Variants in ABCA2 observed in about 807,000 individuals in gnomAD.
ABCA2 encodes the protein ATP-binding cassette sub-family A member 2.
A neutral mutation model predicts 262.8 loss-of-function variants in ABCA2; 84 were observed. The ratio of observed to expected loss-of-function variants is 0.32; its 90% CI spans 0.27 to 0.38. The LOEUF (loss-of-function observed/expected upper bound fraction) is 0.38, where lower values mean the gene tolerates loss of function less well. ABCA2 is among the 10% of genes least tolerant of loss of function. The probability of loss-of-function intolerance (pLI) is 1.00; values close to 1 mark genes in which losing one functional copy is unlikely to be tolerated. For missense variants in ABCA2, 2,662 were observed against 3,405.9 expected, an observed-to-expected ratio of 0.78 and a Z score of 5.44; for synonymous variants, 1,696 against 1,502.9, an observed-to-expected ratio of 1.13 and a Z score of -2.97.
In ABCA2 at chr9:137,013,239, C is replaced by G; in HGVS notation, c.4630G>C (p.Val1544Leu). ...GAGCCGTTGGCGGGAGACTTGAGCA[C>G]GCAGGTGGCACCCACCCCCGACGGC... ...RLPSGVGATC[V>L]LKSPANGSLG... is the part of the protein sequence containing the mutation. The change falls in exon 30 of 49, where the codon GTG becomes CTG. Residue 1544 changes from valine (V) to leucine (L), a missense_variant. Coordinates refer to ENST00000341511, the MANE Select transcript of ABCA2 (RefSeq NM_001606.5). 1 of 1,600,104 alleles carries G rather than the reference C, an allele frequency of 6.2e-7. No homozygotes were observed. Among genetic ancestry groups the G allele is most frequent in the Non-Finnish European group, 8.5e-7 (1 of 1,177,022 alleles).
intron 45 of ABCA2, 35 bp downstream of exon 45, chr9:137,009,332 GCCC>G: frequency 4.2e-4 from 413 of 980,274 alleles, no homozygotes; most frequent in Non-Finnish European, 5.8e-4. Context: ...CCCCCCCCGG[GCCC>G]GCCCCAGCCC....
intron 10 of ABCA2, 81 bp downstream of exon 10, chr9:137,020,255 C>G: frequency 6.3e-7 from 1 of 1,584,140 alleles, no homozygotes; most frequent in South Asian, 1.1e-5. Flanking sequence ...TCTGCCGACA[C>G]CCTCTGCCCA....
intron 5 of ABCA2, 99 bp downstream of exon 5, chr9:137,022,603 G>C (rs1334973410): frequency 1.2e-5 from 19 of 1,557,782 alleles, no homozygotes; most frequent in Non-Finnish European, 1.6e-5. Flanking sequence ...TGGGAACTCA[G>C]TGCAGGTGGA....
In ABCA2 at chr9:137,015,419, G is replaced by T; in HGVS notation, c.3692C>A (p.Pro1231His). The change falls in exon 24 of 49, where the codon CCC becomes CAC. Residue 1231 changes from proline to histidine, a missense_variant. Transcript: ENST00000341511. ...LVKRPAEPGG[P>H]QEPGLASSPP... ...CAGGCAGCTTCAACACAGACCTTGG[G>T]GGCCCCCCGGCTCGGCGGGCCGCTT... is the stretch of plus-strand genomic sequence containing the variant. 2 of 1,562,190 alleles carry T rather than the reference G, an allele frequency of 1.3e-6. No individual in the cohort carries two copies. Among genetic ancestry groups the T allele is most frequent in the Non-Finnish European group, 1.7e-6 (2 of 1,154,674 alleles).
chr9:137,014,713 T>G lies in ABCA2; in HGVS notation c.3980A>C (p.Gln1327Pro), dbSNP rs1317613379. 2.7e-5 allele frequency: 44 copies of G among 1,606,402 alleles called. No individual in the cohort carries two copies. Among genetic ancestry groups the G allele is most frequent in the Non-Finnish European group, 3.7e-5 (43 of 1,177,748 alleles). Residue 1327 changes from glutamine to proline, a missense_variant, in exon 26 of 49, where the codon CAG (glutamine) becomes CCG (proline). Around this residue, in one of 12 missense-constraint regions of ABCA2, gnomAD observed 297 missense variants for 286.5 expected, o/e 1.04. Coordinates refer to ENST00000341511, the MANE Select transcript of ABCA2 (RefSeq NM_001606.5). ...EVFLKVSEED[Q>P]SLENSEADVK... ...ACCGGCCTCACTGTTCTCCAGCGAC[T>G]GATCCTCCTCCGACACCTTGAGGAA...
In ABCA2 at chr9:137,011,154, C is replaced by A. The variant is rs564952865; in HGVS notation, c.5923+32G>T. The A allele has an allele frequency of 6.2e-7, 1 of 1,612,334 alleles. No homozygotes were observed. Among genetic ancestry groups the A allele is most frequent in the South Asian group, 1.1e-5 (1 of 91,076 alleles). On this transcript the variant is annotated intron_variant, in intron 38 of 48. Coordinates refer to ENST00000341511, the MANE Select transcript of ABCA2 (RefSeq NM_001606.5). This position sits in a 1 kb window ranked among gnomAD's most constrained non-coding sequence, Gnocchi z 8.8. ...TGTGCTCTGGGCCTTGCGGGGCCCC[C>A]ACCGCCTTCCCCGCCCCACGGGCCC...
chr9:137,017,470 C>T (rs779710737), intron 17 of ABCA2, 32 bp downstream of exon 17: 1 of 1,598,790 alleles, frequency 6.3e-7, no homozygotes, highest in South Asian at 1.1e-5. Flanking sequence ...AAGTGCCTGC[C>T]CCAGGTCCCT....
At chr9:137,014,860 G>T (rs781223374) in intron 25 of ABCA2, 50 bp from the exon 26 acceptor site, 2 of 1,578,822 alleles carry the variant, frequency 1.3e-6, no homozygotes, top group African/African-American at 2.7e-5. Context: ...CCAGGCAGGA[G>T]TGCGCCCACC....
chr9:137,015,336 C>T, intron 24 of ABCA2, 78 bp downstream of exon 24: 2 of 1,463,402 alleles, frequency 1.4e-6, no homozygotes, highest in Non-Finnish European at 1.8e-6. Flanking sequence ...AGGGCCCAGC[C>T]TCTCCATTGT....
In ABCA2 at chr9:137,014,318, A is replaced by G; in HGVS notation, c.4090T>C (p.Ser1364Pro). The G allele has an allele frequency of 6.2e-7, 1 of 1,610,034 alleles. No homozygotes were observed. Among genetic ancestry groups the G allele is most frequent in the Non-Finnish European group, 8.5e-7 (1 of 1,178,832 alleles). ...GATGCCTGCGACTGGGTCAGCTCCG[A>G]GCACCGGGCCAGATTGCCAGCGTGA... Reference protein sequence around the residue: ...EGHAGNLARCSELTQSQASLQ... With the variant: ...EGHAGNLARCPELTQSQASLQ... The change falls in exon 27 of 49, where the codon TCG becomes CCG. Residue 1364 changes from serine (S) to proline (P), a missense_variant. Around this residue, in one of 12 missense-constraint regions of ABCA2, gnomAD observed 297 missense variants for 286.5 expected, o/e 1.04. Transcript: ENST00000341511.
intron 10 of ABCA2, 110 bp downstream of exon 10, chr9:137,020,226 G>T: frequency 6.8e-7 from 1 of 1,466,736 alleles, no homozygotes; most frequent in Non-Finnish European, 9.3e-7. Flanking sequence ...GCTGCACCCC[G>T]TACCCCTCCC....
chr9:137,019,424 C>CTTTTTTTT lies in ABCA2; in HGVS notation c.1426-126_1426-119dup. 1 of 906,374 alleles carries CTTTTTTTT rather than the reference C, an allele frequency of 1.1e-6. No individual in the cohort carries two copies. Among genetic ancestry groups the CTTTTTTTT allele is most frequent in the Non-Finnish European group, 1.6e-6 (1 of 638,552 alleles). The allele number at this position is 906,374 out of a possible 1,614,324, so 56.1% of individuals were successfully genotyped here. A position where few individuals can be genotyped will look rare whatever the true frequency, so the allele number is the denominator to read the frequency against. On this transcript the variant is annotated intron_variant, in intron 10 of 48. Coordinates refer to ENST00000341511, the MANE Select transcript of ABCA2 (RefSeq NM_001606.5). The surrounding 1 kb of genome is among the most constrained non-coding windows in gnomAD (Gnocchi z 4.4). ...ATTGCCAACAACTAACCCTCCCCAC[C>CTTTTTTTT]TTTTTTTTTTTTTTTTTCCTGAGAC...
intron 10 of ABCA2, chr9:137,020,042 G>A: frequency 2.7e-6 from 1 of 369,976 alleles, no homozygotes. Flanking sequence ...AGACACTCTG[G>A]AAGGTCTCTG....
chr9:137,010,578 G>T, intron 40 of ABCA2, 42 bp downstream of exon 40: 1 of 1,459,636 alleles, frequency 6.9e-7, no homozygotes, highest in Non-Finnish European at 9.6e-7. Context: ...CCTGGCCCTG[G>T]CCTACCCCAC....
In ABCA2 at chr9:137,007,869, T is replaced by A; in HGVS notation, c.*60A>T. 13 of 1,596,688 alleles carry A rather than the reference T, an allele frequency of 8.1e-6. No individual in the cohort carries two copies. Among genetic ancestry groups the A allele is most frequent in the Non-Finnish European group, 1.1e-5 (13 of 1,176,978 alleles). On this transcript the variant is annotated 3_prime_UTR_variant, in exon 49 of 49. Coordinates refer to ENST00000341511, the MANE Select transcript of ABCA2 (RefSeq NM_001606.5). ...GGGGACTTCTGTCCCCATTGTTGAGTCCCTGGCCCAGCTCTGGGTGGTCAG... is the reference window on the plus strand; with the variant it reads ...GGGGACTTCTGTCCCCATTGTTGAGACCCTGGCCCAGCTCTGGGTGGTCAG...
chr9:137,011,790 G>A lies in ABCA2; in HGVS notation c.5536-41C>T. On this transcript the variant is annotated intron_variant, in intron 35 of 48. Transcript: ENST00000341511. This position sits in a 1 kb window ranked among gnomAD's most constrained non-coding sequence, Gnocchi z 8.8. ...CGGCTGGTGAGAGACCCGGGGCAGG[G>A]CGGGGATGGGGGATGAGAAGGGCCG... 6.5e-7 allele frequency: 1 copy of A among 1,550,264 alleles called. No individual in the cohort carries two copies. The highest frequency in any genetic ancestry group is 1.4e-5 in the African/African-American group (1 of 73,114).
At chr9:137,008,004 C>T in intron 48 of ABCA2, 40 bp from the exon 49 acceptor site, 1 of 1,588,864 alleles carries the variant, frequency 6.3e-7, no homozygotes, top group Non-Finnish European at 8.5e-7. Context: ...GCATCCTGTG[C>T]CACCCCCTGC....
Position 137,018,777 on chromosome 9 carries a change from C to A in ABCA2, c.1761G>T (p.Glu587Asp). ...VDIFKGFPDEESIVNYTLNQA... is the reference protein window; with the variant it reads ...VDIFKGFPDEDSIVNYTLNQA... ...GGTTGAGGGTGTAGTTGACAATGCT[C>A]TCCTCGTCGGGGAAGCCCTTGAAGA... The change falls in exon 13 of 49, where the codon GAG (glutamate) becomes GAT (aspartate). Residue 587 changes from glutamate (E) to aspartate (D), a missense_variant. By Grantham distance (45) the Glu-to-Asp change is conservative. Around this residue, in one of 12 missense-constraint regions of ABCA2, gnomAD observed 187 missense variants for 205.9 expected, o/e 0.91. Coordinates refer to ENST00000341511, the MANE Select transcript of ABCA2 (RefSeq NM_001606.5). 1 of 1,612,672 alleles carries A rather than the reference C, an allele frequency of 6.2e-7. No individual in the cohort carries two copies. The highest frequency in any genetic ancestry group is 8.5e-7 in the Non-Finnish European group (1 of 1,179,868).
chr9:137,013,640 C>G (rs1831149686), intron 28 of ABCA2, 77 bp from the exon 29 acceptor site: 2 of 1,460,024 alleles, frequency 1.4e-6, no homozygotes, highest in African/African-American at 2.8e-5. Context: ...CCCCTTCCCC[C>G]AACCCCAAGG....
Sources: gnomAD v4.1 joint callset for allele counts on GRCh38, gnomAD v4.1.1 for gene constraint, gnomAD v4.1.1 regional missense constraint, Gnocchi (gnomAD v3.1) non-coding constraint, MANE v1.5 for transcripts, NCBI Gene and HGNC (gene_info 2026-07-23, HGNC 2026-07-21) for gene names.